SDC2: variants seen among roughly 807,000 people sequenced by gnomAD.
The protein encoded by SDC2 is syndecan 2, also known as syndecan-2.
In SDC2, 13 loss-of-function variants were observed where a neutral mutation model predicts 22.2. The observed-to-expected ratio is 0.59, with a 90% CI of 0.38 to 0.93. The LOEUF (loss-of-function observed/expected upper bound fraction) is 0.93, where lower values mean the gene tolerates loss of function less well. SDC2 is among the 40% of genes least tolerant of loss of function. SDC2 has a pLI of 0.00. For missense variants in SDC2, 235 were observed against 246.8 expected (o/e 0.95, Z 0.32); for synonymous variants, 94 against 92.8 (o/e 1.01, Z -0.07).
chr8:96,551,853 A>G (rs1814033049), intron 1 of SDC2, among the ~76,000 whole-genome samples: 1 of 151,976 alleles, frequency 6.6e-6, no homozygotes, highest in Admixed American at 6.6e-5. Flanking sequence ...CTTGGAATAG[A>G]TTTTCTCAGA....
intron 1 of SDC2, among the ~76,000 whole-genome samples, chr8:96,574,305 C>T (rs1312265080): frequency 6.6e-6 from 1 of 152,104 alleles, no homozygotes; most frequent in Non-Finnish European, 1.5e-5. Context: ...GAGTGTGCAC[C>T]TGGGATCTGA....
intron 1 of SDC2, among the ~76,000 whole-genome samples, chr8:96,544,362 A>C (rs1361581098): frequency 6.6e-6 from 1 of 152,020 alleles, no homozygotes; most frequent in Non-Finnish European, 1.5e-5. Context: ...GTACCATAGG[A>C]GCTTTTCTGT....
At chr8:96,530,627 C>G (rs1813646028) in intron 1 of SDC2, among the ~76,000 whole-genome samples, 2 of 152,138 alleles carry the variant, frequency 1.3e-5, no homozygotes, top group African/African-American at 4.8e-5. Flanking sequence ...GAGTAAAACT[C>G]TGTCTAAAAC....
intron 4 of SDC2, among the ~76,000 whole-genome samples, chr8:96,608,683 G>C (rs759535951): frequency 6.6e-6 from 1 of 152,216 alleles, no homozygotes; most frequent in African/African-American, 2.4e-5. Flanking sequence ...CAGCCATCGG[G>C]CAGGGGATAG....
At chr8:96,521,171 ATGT>A (rs1167992279) in intron 1 of SDC2, among the ~76,000 whole-genome samples, 1 of 152,280 alleles carries the variant, frequency 6.6e-6, no homozygotes, top group East Asian at 1.9e-4. Context: ...TATAAATAAT[ATGT>A]TGTGTATTTT....
At chr8:96,538,695 G>C (rs1004629650) in intron 1 of SDC2, 1 of 152,224 alleles carries the variant, frequency 6.6e-6, no homozygotes, top group African/African-American at 2.4e-5. Flanking sequence ...TGATATTTCA[G>C]AAGGATATTC....
At chr8:96,553,913 T>C (rs553511484) in intron 1 of SDC2, among the ~76,000 whole-genome samples, 3 of 152,146 alleles carry the variant, frequency 2.0e-5, no homozygotes, top group East Asian at 1.9e-4. Context: ...ACTGGGACTT[T>C]AGGCATGCCA....
At chr8:96,576,752 T>C (rs1396282011) in intron 1 of SDC2, among the ~76,000 whole-genome samples, 1 of 152,146 alleles carries the variant, frequency 6.6e-6, no homozygotes, top group Non-Finnish European at 1.5e-5. Context: ...TTTTGTTGTT[T>C]GGTTGTACCA....
At chr8:96,594,249 G>A (rs987325208) in intron 2 of SDC2, among the ~76,000 whole-genome samples, 3 of 152,164 alleles carry the variant, frequency 2.0e-5, no homozygotes, top group African/African-American at 7.2e-5. Context: ...CTGTAGGTTG[G>A]TGATGTAGGC....
intron 1 of SDC2, among the ~76,000 whole-genome samples, chr8:96,501,232 C>T (rs13248965): frequency 0.23 from 33,206 of 146,014 alleles, 3,823 homozygotes; most frequent in Non-Finnish European, 0.27. Context: ...GAATGACACA[C>T]GGGACAAGAT....
chr8:96,535,055 G>A (rs1370258884), intron 1 of SDC2, among the ~76,000 whole-genome samples: 1 of 151,608 alleles, frequency 6.6e-6, no homozygotes, highest in Non-Finnish European at 1.5e-5. Context: ...CCAGGCTGGA[G>A]TGCAATGGTG....
rs951451323 is a variant in SDC2 at position 96,573,435 on chromosome 8, G to A, written c.61-20045G>A. 5.1e-5 allele frequency among the ~76,000 whole-genome samples: 5 copies of A among 97,226 alleles called. No homozygotes were observed. In the Admixed American group the frequency reaches 5.1e-4, roughly 10 times the overall value. The allele number at this position is 97,226 out of a possible 152,430, so 63.8% of individuals were successfully genotyped here. On this transcript the variant is annotated intron_variant, in intron 1 of 4. Transcript: ENST00000302190. ...TTGCTAAGGCTCAGGTTCCACCGTT[G>A]CAAAATGGGGCTAATACCTGCGGCG...
chr8:96,518,786 G>A (rs548214560), intron 1 of SDC2, among the ~76,000 whole-genome samples: 96 of 152,284 alleles, frequency 6.3e-4, no homozygotes, highest in African/African-American at 2.3e-3. Context: ...CATGAATAGA[G>A]TGGTAATAAT....
chr8:96,548,289 G>C (rs1813968787), intron 1 of SDC2, among the ~76,000 whole-genome samples: 1 of 152,146 alleles, frequency 6.6e-6, no homozygotes, highest in African/African-American at 2.4e-5. Flanking sequence ...ATTTTGATTA[G>C]GGTACAGTTA....
At chr8:96,523,580 A>G (rs1268647982) in intron 1 of SDC2, among the ~76,000 whole-genome samples, 1 of 152,188 alleles carries the variant, frequency 6.6e-6, no homozygotes, top group African/African-American at 2.4e-5. Flanking sequence ...GCCCACTATT[A>G]TAATTATTCA....
intron 3 of SDC2, among the ~76,000 whole-genome samples, chr8:96,607,669 T>C (rs1289906623): frequency 1.3e-5 from 2 of 152,048 alleles, no homozygotes; most frequent in African/African-American, 2.4e-5. Context: ...TGCTTGAGCA[T>C]TGTGCAGTGT....
At position 96,496,111 on chromosome 8, in the gene SDC2, T is replaced by G. The variant is rs558556807; in HGVS notation, c.60+1780T>G. The stretch of plus-strand genomic sequence containing the variant: ...TGCACATGGTTAAGGAGGCCCTTTT[T>G]TTTTGCTGAGTCTTATTCATGGATT... On this transcript the variant is annotated intron_variant, in intron 1 of 4. Transcript: ENST00000302190. Among the ~76,000 whole-genome samples the G allele has an allele frequency of 2.0e-5, 3 of 152,330 alleles. No individual in the cohort carries two copies. The South Asian group carries it at 6.2e-4, about 32-fold the overall frequency.
In SDC2 at chr8:96,586,987, A is replaced by G. The variant is rs1459595028; in HGVS notation, c.61-6493A>G. ...ACCTAGGCTGGAGTGCTGTGGCGCA[A>G]TCTCGGCTCACTGCAACCTCCGTCT... On this transcript the variant is annotated intron_variant, in intron 1 of 4. Transcript: ENST00000302190. 5.9e-5 allele frequency among the ~76,000 whole-genome samples: 9 copies of G among 152,238 alleles called. No individual in the cohort carries two copies. The East Asian group carries it at 7.7e-4, about 13-fold the overall frequency.
chr8:96,601,640 C>CAAAAAA (rs749025894), intron 2 of SDC2, among the ~76,000 whole-genome samples: 1 of 66,690 alleles, frequency 1.5e-5, no homozygotes, highest in African/African-American at 6.1e-5. Flanking sequence ...ACTCCATCTC[C>CAAAAAA]AAAAAAAAAA....
Sources: allele counts gnomAD v4.1 joint callset (sites outside exome capture counted in the v4.1 genomes callset), GRCh38; gene constraint gnomAD v4.1.1; transcripts MANE v1.5; gene names NCBI Gene and HGNC (gene_info 2026-07-23, HGNC 2026-07-21).